The following CREB5 variants were observed in gnomAD, a reference collection of about 807,000 sequenced individuals.
CREB5 encodes cAMP responsive element binding protein 5.
In CREB5, 19 loss-of-function variants were observed where a neutral mutation model predicts 57.1. The ratio of observed to expected loss-of-function variants is 0.33; its 90% CI spans 0.23 to 0.49. CREB5 has a LOEUF of 0.49. CREB5 is among the 20% of genes least tolerant of loss of function. The probability of loss-of-function intolerance (pLI) is 0.99; values close to 1 mark genes in which losing one functional copy is unlikely to be tolerated. For missense variants in CREB5, 579 were observed against 671.6 expected (o/e 0.86, Z 1.52); for synonymous variants, 238 against 238.3 (o/e 1.00, Z 0.01).
chr7:28,812,604 T>C (rs1809189714), intron 9 of CREB5, among the ~76,000 whole-genome samples: 1 of 152,204 alleles, frequency 6.6e-6, no homozygotes, highest in African/African-American at 2.4e-5. Context: ...GGACAGTCTC[T>C]GAACAGACTA....
intron 1 of CREB5, among the ~76,000 whole-genome samples, chr7:28,344,565 T>A (rs1283502205): frequency 6.6e-6 from 1 of 152,236 alleles, no homozygotes; most frequent in East Asian, 1.9e-4. Context: ...TGGTATATTT[T>A]GAAGTCAGGT....
chr7:28,676,188 C>G (rs1218431083), intron 5 of CREB5, among the ~76,000 whole-genome samples: 1 of 152,124 alleles, frequency 6.6e-6, no homozygotes, highest in Non-Finnish European at 1.5e-5. Flanking sequence ...TTCATCATAA[C>G]TATCATTATT....
intron 6 of CREB5, among the ~76,000 whole-genome samples, chr7:28,721,607 C>T (rs1252401205): frequency 6.6e-6 from 1 of 152,264 alleles, no homozygotes; most frequent in East Asian, 1.9e-4. Context: ...TGCTGCTGGA[C>T]CACACATTTT....
At chr7:28,426,721 T>C (rs1419978335) in intron 1 of CREB5, among the ~76,000 whole-genome samples, 1 of 152,212 alleles carries the variant, frequency 6.6e-6, no homozygotes, top group Admixed American at 6.5e-5. Context: ...TTGTTAATCT[T>C]TTTCTTATGG....
chr7:28,525,558 T>G (rs1253066204), intron 4 of CREB5, among the ~76,000 whole-genome samples: 1 of 152,128 alleles, frequency 6.6e-6, no homozygotes, highest in African/African-American at 2.4e-5. Flanking sequence ...TGGTTTTGAT[T>G]TGCGTTACCC....
chr7:28,326,389 C>A (rs1785607224), intron 1 of CREB5, among the ~76,000 whole-genome samples: 1 of 152,182 alleles, frequency 6.6e-6, no homozygotes, highest in African/African-American at 2.4e-5. Flanking sequence ...CATATGTAGC[C>A]AATCTCCCTA....
At chr7:28,680,299 A>G (rs1485895184) in intron 5 of CREB5, among the ~76,000 whole-genome samples, 1 of 152,188 alleles carries the variant, frequency 6.6e-6, no homozygotes, top group Non-Finnish European at 1.5e-5. Flanking sequence ...CTTGGACATC[A>G]TCAGTTGGGT....
At chr7:28,560,927 T>TGCGC (rs1164947982) in intron 4 of CREB5, among the ~76,000 whole-genome samples, 3 of 57,604 alleles carry the variant, frequency 5.2e-5, no homozygotes, top group South Asian at 6.8e-4. Flanking sequence ...TGTGTGCGCG[T>TGCGC]GCGTGTGTGC....
chr7:28,354,715 CAG>C (rs1562671407), intron 1 of CREB5, among the ~76,000 whole-genome samples: 1 of 152,146 alleles, frequency 6.6e-6, no homozygotes, highest in Non-Finnish European at 1.5e-5. Flanking sequence ...GCCCACATCC[CAG>C]AGACTTAAGA....
chr7:28,605,934 T>C (rs1797114658), intron 5 of CREB5, among the ~76,000 whole-genome samples: 1 of 152,208 alleles, frequency 6.6e-6, no homozygotes, highest in South Asian at 2.1e-4. Flanking sequence ...TCTTATATTT[T>C]TATCATGCTG....
chr7:28,369,053 A>AAAAC (rs147206865), intron 1 of CREB5, among the ~76,000 whole-genome samples: 48,638 of 151,406 alleles, frequency 0.32, 8,060 homozygotes, highest in East Asian at 0.48. Flanking sequence ...TCAAAAAAAC[A>AAAAC]AAACAAACAA....
At position 28,314,184 on chromosome 7, in the gene CREB5, G is replaced by T. The variant is rs888295579; in HGVS notation, c.-25+14743G>T. 9.2e-5 allele frequency among the ~76,000 whole-genome samples: 14 copies of T among 152,312 alleles called. No individual in the cohort carries two copies. The East Asian group carries it at 2.1e-3, about 23-fold the overall frequency. On this transcript the variant is annotated intron_variant, in intron 1 of 9. Coordinates refer to the CREB5 transcript ENST00000396299. The stretch of plus-strand genomic sequence containing the variant: ...TGTTTCTTGTAGCTATGTGAAGAAA[G>T]ATCATGGAGATTGTTTTGTGCAGGT...
chr7:28,436,208 A>T (rs1014866275), intron 1 of CREB5, among the ~76,000 whole-genome samples: 1 of 152,106 alleles, frequency 6.6e-6, no homozygotes, highest in African/African-American at 2.4e-5. Flanking sequence ...GTAAAAATCA[A>T]TGCCTCTTGC....
rs917981507 is a variant in CREB5, at chr7:28,664,359, G to A, written c.465-54394G>A. Reference sequence around the variant, plus strand: ...TATTTTAGATTCTAAATCTTTTCCAGTTTCAATGCCTTGTAGGACTTTAAG... The same window carrying A: ...TATTTTAGATTCTAAATCTTTTCCAATTTCAATGCCTTGTAGGACTTTAAG... On this transcript the variant is annotated intron_variant, in intron 5 of 10. Coordinates refer to ENST00000357727, the MANE Select transcript of CREB5 (RefSeq NM_182898.4). Among the ~76,000 whole-genome samples, 17 of 152,258 alleles carry A rather than the reference G, an allele frequency of 1.1e-4. 2 individuals are homozygous for A. The highest frequency in any genetic ancestry group is 4.1e-4 in the African/African-American group (17 of 41,574).
intron 7 of CREB5, among the ~76,000 whole-genome samples, chr7:28,741,569 T>C (rs1804349334): frequency 6.6e-6 from 1 of 152,240 alleles, no homozygotes; most frequent in African/African-American, 2.4e-5. Context: ...GATAGCTCCA[T>C]ACCAACAATT....
intron 6 of CREB5, among the ~76,000 whole-genome samples, chr7:28,722,962 AAG>A (rs1469176276): frequency 2.0e-5 from 3 of 152,200 alleles, no homozygotes; most frequent in African/African-American, 7.2e-5. Flanking sequence ...ACAACAAGGG[AAG>A]AGACCTTTAA....
chr7:28,568,914 TG>T (rs1795588375), intron 4 of CREB5, among the ~76,000 whole-genome samples: 1 of 152,192 alleles, frequency 6.6e-6, no homozygotes, highest in Admixed American at 6.5e-5. Context: ...CTAGTTCTCT[TG>T]GGTAACATTT....
intron 7 of CREB5, among the ~76,000 whole-genome samples, chr7:28,799,146 G>A (rs1808224420): frequency 6.6e-6 from 1 of 152,174 alleles, no homozygotes; most frequent in Non-Finnish European, 1.5e-5. Flanking sequence ...TATTCACTGT[G>A]GCACATGCAG....
chr7:28,537,404 T>C (rs1794008672), intron 4 of CREB5, among the ~76,000 whole-genome samples: 1 of 151,850 alleles, frequency 6.6e-6, no homozygotes, highest in African/African-American at 2.4e-5. Context: ...TAGCACAGTA[T>C]ATGCAATTAT....
Sources: gnomAD v4.1 joint callset for allele counts (sites outside exome capture counted in the v4.1 genomes callset) on GRCh38, gnomAD v4.1.1 for gene constraint, MANE v1.5 for transcripts, NCBI Gene and HGNC (gene_info 2026-07-23, HGNC 2026-07-21) for gene names.